IL1RAPL1: variants seen among roughly 807,000 people sequenced by gnomAD.
IL1RAPL1 encodes interleukin 1 receptor accessory protein like 1.
A neutral mutation model predicts 48.4 loss-of-function variants in IL1RAPL1; 3 were observed. The observed-to-expected ratio is 0.06, with a 90% CI of 0.03 to 0.16. The LOEUF is 0.16. Among genes scored for constraint, IL1RAPL1 ranks in the 10% least tolerant of loss-of-function variants. The pLI is 1.00. For missense variants in IL1RAPL1, 349 were observed against 530.6 expected, an observed-to-expected ratio of 0.66 and a Z score of 3.36; for synonymous variants, 185 against 187.7, an observed-to-expected ratio of 0.99 and a Z score of 0.12.
intron 2 of IL1RAPL1, among the ~76,000 whole-genome samples, chrX:29,223,057 C>A (rs908228968): frequency 7.2e-5 from 8 of 111,181 alleles, no homozygotes; most frequent in African/African-American, 2.6e-4. Context: ...TACTCAGACA[C>A]CTGCCCAACC....
chrX:28,994,863 G>A (rs1199101981), intron 2 of IL1RAPL1, among the ~76,000 whole-genome samples: 1 of 111,592 alleles, frequency 9.0e-6, no homozygotes, highest in East Asian at 2.8e-4. Flanking sequence ...TCATAGTAGA[G>A]GACTTTTTTC....
At chrX:28,668,806 G>A (rs1379500541) in intron 1 of IL1RAPL1, among the ~76,000 whole-genome samples, 6 of 111,643 alleles carry the variant, frequency 5.4e-5, no homozygotes, top group Non-Finnish European at 1.1e-4. Context: ...TTATGAAGGT[G>A]TTTAATGTAC....
chrX:29,114,968 G>T lies in IL1RAPL1; in HGVS notation c.83-167970G>T, dbSNP rs180844746. Among the ~76,000 whole-genome samples the T allele has an allele frequency of 3.8e-3, 428 of 111,396 alleles. 3 individuals carry two copies. The highest frequency in any genetic ancestry group is 0.013 in the African/African-American group (409 of 30,670). On this transcript the variant is annotated intron_variant, in intron 2 of 10. Coordinates refer to ENST00000378993, the MANE Select transcript of IL1RAPL1 (RefSeq NM_014271.4). ...TTAAGTGTTTATTATGTGTATTTAT[G>T]TTAACTTTCTACTATAAATATTACG... is the stretch of plus-strand genomic sequence containing the variant.
At chrX:28,995,200 G>C (rs1424016624) in intron 2 of IL1RAPL1, among the ~76,000 whole-genome samples, 1 of 111,629 alleles carries the variant, frequency 9.0e-6, no homozygotes, top group Non-Finnish European at 1.9e-5. Context: ...TTTTGAAAAT[G>C]AGAACAAGGC....
intron 6 of IL1RAPL1, among the ~76,000 whole-genome samples, chrX:29,731,126 T>C (rs1927907790): frequency 8.9e-6 from 1 of 112,224 alleles, no homozygotes; most frequent in Non-Finnish European, 1.9e-5. Context: ...CCTCTGTCTT[T>C]ATTGAACTGT....
At chrX:28,912,793 A>G (rs1923392608) in intron 2 of IL1RAPL1, among the ~76,000 whole-genome samples, 1 of 111,396 alleles carries the variant, frequency 9.0e-6, no homozygotes, top group Admixed American at 9.6e-5. Context: ...CAGATTAATA[A>G]TAGCCACAGA....
chrX:29,131,922 C>T (rs1292006132), intron 2 of IL1RAPL1, among the ~76,000 whole-genome samples: 3 of 111,488 alleles, frequency 2.7e-5, no homozygotes, highest in Non-Finnish European at 1.9e-5. Context: ...TTGAAGGCGA[C>T]GTTATAAGAA....
chrX:29,183,593 G>C (rs1485345248), intron 2 of IL1RAPL1, among the ~76,000 whole-genome samples: 1 of 112,131 alleles, frequency 8.9e-6, no homozygotes, highest in Non-Finnish European at 1.9e-5. Flanking sequence ...CCCCAGTACA[G>C]ATGAGATTAT....
intron 2 of IL1RAPL1, among the ~76,000 whole-genome samples, chrX:29,144,608 A>G (rs1294593961): frequency 9.3e-6 from 1 of 107,803 alleles, no homozygotes; most frequent in Non-Finnish European, 1.9e-5. Flanking sequence ...AGTCTCAAAA[A>G]AAAAAAAAAA....
chrX:29,559,329 C>T (rs893815823), intron 5 of IL1RAPL1, among the ~76,000 whole-genome samples: 2 of 111,608 alleles, frequency 1.8e-5, no homozygotes, highest in Non-Finnish European at 3.8e-5. Context: ...TAAGGCTGGC[C>T]TTGTGAAATG....
intron 2 of IL1RAPL1, among the ~76,000 whole-genome samples, chrX:29,256,537 C>G (rs1011389287): frequency 9.0e-6 from 1 of 111,448 alleles, no homozygotes; most frequent in African/African-American, 3.3e-5. Flanking sequence ...TTTTATCCAG[C>G]CGGTTCATTC....
chrX:28,660,443 C>G (rs968260289), intron 1 of IL1RAPL1, among the ~76,000 whole-genome samples: 18 of 110,411 alleles, frequency 1.6e-4, no homozygotes, highest in Non-Finnish European at 3.2e-4. Context: ...ATAGAAAAAG[C>G]CAACTTTTGT....
chrX:28,671,725 A>C (rs1407284537), intron 1 of IL1RAPL1, among the ~76,000 whole-genome samples: 1 of 112,411 alleles, frequency 8.9e-6, no homozygotes, highest in Non-Finnish European at 1.9e-5. Context: ...GGCATTTTTC[A>C]GTAGAAGGAG....
intron 5 of IL1RAPL1, among the ~76,000 whole-genome samples, chrX:29,464,635 G>A (rs1317109564): frequency 1.8e-5 from 2 of 112,129 alleles, no homozygotes; most frequent in African/African-American, 3.2e-5. Flanking sequence ...GCACATGTAT[G>A]TTCATCATGG....
chrX:29,311,403 G>A (rs1283326696), intron 3 of IL1RAPL1, among the ~76,000 whole-genome samples: 2 of 111,813 alleles, frequency 1.8e-5, no homozygotes, highest in African/African-American at 3.3e-5. Flanking sequence ...TCCAAAGATC[G>A]TTTTCAGGAA....
At chrX:29,288,434 G>A (rs1412705453) in intron 3 of IL1RAPL1, among the ~76,000 whole-genome samples, 1 of 111,616 alleles carries the variant, frequency 9.0e-6, no homozygotes, top group East Asian at 2.8e-4. Context: ...TCCTGCATTA[G>A]TTTACTGAGG....
intron 5 of IL1RAPL1, among the ~76,000 whole-genome samples, chrX:29,480,291 C>CATCTAT (rs1556020668): frequency 1.3e-5 from 1 of 76,603 alleles, no homozygotes; most frequent in Admixed American, 1.4e-4. Context: ...CACACATATA[C>CATCTAT]ATATATATAT....
At chrX:29,927,248 G>C (rs1366044623) in intron 8 of IL1RAPL1, among the ~76,000 whole-genome samples, 1 of 112,339 alleles carries the variant, frequency 8.9e-6, no homozygotes, top group South Asian at 3.7e-4. Context: ...CCCTTGCCTA[G>C]ACAATAGATC....
chrX:28,765,899 T>G (rs1936231058), intron 1 of IL1RAPL1, among the ~76,000 whole-genome samples: 1 of 111,792 alleles, frequency 8.9e-6, no homozygotes, highest in Admixed American at 9.6e-5. Flanking sequence ...GAAGAATCTT[T>G]AAATTTGTTA....
Sources: gnomAD v4.1 joint callset for allele counts (sites outside exome capture counted in the v4.1 genomes callset) on GRCh38, gnomAD v4.1.1 for gene constraint, MANE v1.5 for transcripts, NCBI Gene and HGNC (gene_info 2026-07-23, HGNC 2026-07-21) for gene names.